SREBF2: variants seen among roughly 807,000 people sequenced by gnomAD.
The protein encoded by SREBF2 is sterol regulatory element binding transcription factor 2, also known as sterol regulatory element-binding protein 2.
In SREBF2, 55 loss-of-function variants were observed where a neutral mutation model predicts 113.1. The ratio of observed to expected loss-of-function variants is 0.49; its 90% CI spans 0.39 to 0.61. The LOEUF (loss-of-function observed/expected upper bound fraction) is 0.61, where lower values mean the gene tolerates loss of function less well. Among genes scored for constraint, SREBF2 ranks in the 20% least tolerant of loss-of-function variants. SREBF2 has a pLI of 0.00. For synonymous variants in SREBF2, 593 were observed against 605.7 expected (o/e 0.98, Z 0.31); for missense variants, 1,349 against 1,487.4 (o/e 0.91, Z 1.53).
chr22:41,892,051 C>G (rs73430983), intron 11 of SREBF2, among the ~76,000 whole-genome samples: 2,492 of 152,320 alleles, frequency 0.016, 73 homozygotes, highest in African/African-American at 0.058. Context: ...TCTGTTCTTT[C>G]TCGCAGGCTG....
chr22:41,853,291 C>G (rs1339695132), intron 1 of SREBF2, among the ~76,000 whole-genome samples: 1 of 152,204 alleles, frequency 6.6e-6, no homozygotes, highest in South Asian at 2.1e-4. Flanking sequence ...TGCCCATCAC[C>G]CATTGTCTTC....
intron 1 of SREBF2, among the ~76,000 whole-genome samples, chr22:41,848,329 C>T (rs978909096): frequency 4.6e-5 from 7 of 152,168 alleles, no homozygotes; most frequent in East Asian, 3.9e-4. Context: ...CCTCATGATC[C>T]GCCCACCGTG....
rs140429346 is a variant in SREBF2, at chr22:41,845,779, T to A, written c.88+12421T>A. ...AGATAGATTTAGACAAAGTTGGGAA[T>A]AATTTGGCATGCTCTAGGAATATGT... On this transcript the variant is annotated intron_variant, in intron 1 of 18. Transcript: ENST00000361204. 5.9e-5 allele frequency among the ~76,000 whole-genome samples: 9 copies of A among 152,328 alleles called. No homozygotes were observed. In the East Asian group the frequency reaches 1.7e-3, roughly 29 times the overall value.
chr22:41,868,896 A>G (rs2077113078), intron 3 of SREBF2, 104 bp downstream of exon 3: 3 of 1,461,492 alleles, frequency 2.1e-6, no homozygotes, highest in Non-Finnish European at 2.8e-6. Context: ...CAGAGTGTAC[A>G]CAAAGCAGCT....
chr22:41,868,107 T>C (rs2077103385), intron 2 of SREBF2, among the ~76,000 whole-genome samples: 1 of 152,220 alleles, frequency 6.6e-6, no homozygotes, highest in Non-Finnish European at 1.5e-5. Context: ...CAGTGCCTTT[T>C]CATCATATTT....
intron 1 of SREBF2, among the ~76,000 whole-genome samples, chr22:41,865,700 C>A (rs765130833): frequency 6.6e-6 from 1 of 152,130 alleles, no homozygotes; most frequent in Admixed American, 6.5e-5. Context: ...AGGGGCACAA[C>A]CAGACAAGGG....
intron 1 of SREBF2, among the ~76,000 whole-genome samples, chr22:41,859,792 G>A (rs2077008565): frequency 7.0e-6 from 1 of 143,422 alleles, no homozygotes; most frequent in Admixed American, 7.0e-5. Flanking sequence ...GCTAGGATAT[G>A]GTGATTCTTT....
At position 41,905,694 on chromosome 22, in the gene SREBF2, T is replaced by C; in HGVS notation, c.*34T>C. ...CTCAGCCCACCCCTCCACCTCTCTC[T>C]CGATTTCTCTCTCTCCCCCTCAGCA... On this transcript the variant is annotated 3_prime_UTR_variant, in exon 19 of 19. Transcript: ENST00000361204. 6.5e-7 allele frequency: 1 copy of C among 1,537,132 alleles called. No individual in the cohort carries two copies. The highest frequency in any genetic ancestry group is 8.8e-7 in the Non-Finnish European group (1 of 1,134,248).
chr22:41,853,752 T>A (rs2076952431), intron 1 of SREBF2, among the ~76,000 whole-genome samples: 1 of 152,128 alleles, frequency 6.6e-6, no homozygotes, highest in Admixed American at 6.6e-5. Flanking sequence ...GAAAGCATGA[T>A]CGGTCAGGTG....
chr22:41,881,045 T>C (rs895356378), intron 10 of SREBF2, 53 bp downstream of exon 10: 23 of 1,588,134 alleles, frequency 1.4e-5, no homozygotes, highest in Middle Eastern at 2.2e-4. Context: ...TCATGCTACC[T>C]CTCCTCCTTA....
rs1174473976 is a variant in SREBF2, at chr22:41,859,799, C to CTTTTT, written c.89-7007_89-7003dup. ...GTTCCAAGGCTAGGATATGGTGATT[C>CTTTTT]TTTTTTTTTTTTTTTTTTTTTTTTT... On this transcript the variant is annotated intron_variant, in intron 1 of 18. Coordinates refer to ENST00000361204, the MANE Select transcript of SREBF2 (RefSeq NM_004599.4). 1.6e-3 allele frequency among the ~76,000 whole-genome samples: 87 copies of CTTTTT among 54,366 alleles called. 9 individuals carry two copies. The highest frequency in any genetic ancestry group is 0.017 in the Middle Eastern group (1 of 58). The allele number at this position is 54,366 out of a possible 152,430, so 35.7% of individuals were successfully genotyped here. A position where few individuals can be genotyped will look rare whatever the true frequency, so the allele number is the denominator to read the frequency against.
intron 18 of SREBF2, 117 bp downstream of exon 18, chr22:41,905,091 C>T (rs2077495547): frequency 2.0e-6 from 2 of 1,010,132 alleles, no homozygotes; most frequent in Admixed American, 4.5e-5. Context: ...ACACCTCTCG[C>T]CTCTCTGAGA....
chr22:41,873,350 G>A (rs1367425518), intron 4 of SREBF2, among the ~76,000 whole-genome samples: 1 of 152,098 alleles, frequency 6.6e-6, no homozygotes, highest in Non-Finnish European at 1.5e-5. Context: ...GCTTTTTGAT[G>A]GCAAAATTGT....
chr22:41,895,597 G>A (rs2077408163), intron 13 of SREBF2, among the ~76,000 whole-genome samples: 1 of 151,574 alleles, frequency 6.6e-6, no homozygotes, highest in Non-Finnish European at 1.5e-5. Context: ...CACCATGCCT[G>A]GCTAATTTTT....
intron 1 of SREBF2, among the ~76,000 whole-genome samples, chr22:41,850,993 G>A (rs1370335027): frequency 1.3e-4 from 20 of 152,028 alleles, no homozygotes; most frequent in Admixed American, 1.3e-3. Context: ...CGCCCACCTC[G>A]GCCTCCCAAA....
intron 12 of SREBF2, 37 bp from the exon 13 acceptor site, chr22:41,894,783 A>C (rs1365738173): frequency 6.4e-7 from 1 of 1,561,100 alleles, no homozygotes; most frequent in Non-Finnish European, 8.8e-7. Context: ...CTCATAAATG[A>C]GCTCCATTTA....
intron 9 of SREBF2, chr22:41,878,859 G>A: frequency 1.4e-6 from 1 of 691,554 alleles, no homozygotes; most frequent in Non-Finnish European, 2.2e-6. Context: ...GGGGCTATGG[G>A]TCTCAGAATA....
rs185842554 is a variant in SREBF2, at chr22:41,858,926, G to A, written c.89-7905G>A. ...TGGAAGGCTGAGGCGGGTGGATCAC[G>A]AGGTCAGGGGTTCGAGACCAGCCTG... On this transcript the variant is annotated intron_variant, in intron 1 of 18. Transcript: ENST00000361204. Among the ~76,000 whole-genome samples the A allele has an allele frequency of 4.8e-3, 731 of 152,156 alleles. 7 individuals carry two copies. Among genetic ancestry groups the A allele is most frequent in the African/African-American group, 0.015 (638 of 41,534 alleles).
Position 41,905,450 on chromosome 22 carries a change from T to TGCCTG in SREBF2, c.3220_3224dup (p.Gln1077ProfsTer54). ...ATCTCCTTCCCACAGGAGAGGTGGATGCCTGGCCCGGCCAGCGAGAGCGGG... is the reference window on the plus strand; with the variant it reads ...ATCTCCTTCCCACAGGAGAGGTGGATGCCTGGCCTGGCCCGGCCAGCGAGAGCGGG... On this transcript the variant is annotated frameshift_variant, in exon 19 of 19. Coordinates refer to ENST00000361204, the MANE Select transcript of SREBF2 (RefSeq NM_004599.4). LOFTEE classifies it high-confidence loss of function. 1 of 1,574,274 alleles carries TGCCTG rather than the reference T, an allele frequency of 6.4e-7. No individual in the cohort carries two copies. Among genetic ancestry groups the TGCCTG allele is most frequent in the Non-Finnish European group, 8.6e-7 (1 of 1,161,278 alleles).
Sources: gnomAD v4.1 joint callset for allele counts (sites outside exome capture counted in the v4.1 genomes callset) on GRCh38, gnomAD v4.1.1 for gene constraint, MANE v1.5 for transcripts, NCBI Gene and HGNC (gene_info 2026-07-23, HGNC 2026-07-21) for gene names.